Variants in KRABD3 observed in about 807,000 individuals in gnomAD.
KRABD3 encodes the protein KRAB domain-containing protein 3.
chr7:149,722,945 C>G, the KRABD3 span: 14 of 1,593,134 alleles, frequency 8.8e-6, no homozygotes, highest in Middle Eastern at 1.7e-4. Context: ...CCTGGGAGCC[C>G]GCCCTGGGCA....
the KRABD3 span, chr7:149,730,743 CTGCTGGGGG>C: frequency 2.4e-6 from 2 of 819,284 alleles, no homozygotes; most frequent in Non-Finnish European, 3.7e-6. Context: ...GAGGGCGGGG[CTGCTGGGGG>C]TGCTGGTGAG....
the KRABD3 span, chr7:149,730,147 G>T: frequency 6.6e-7 from 1 of 1,512,352 alleles, no homozygotes. Flanking sequence ...CCCTGCCCAG[G>T]GTCTGCCCCC....
At chr7:149,721,452 C>G in the KRABD3 span, 3 of 1,612,950 alleles carry the variant, frequency 1.9e-6, no homozygotes, top group Non-Finnish European at 2.5e-6. Flanking sequence ...ACCAGCCAGC[C>G]CCACCTGGCC....
At chr7:149,715,250 C>T in the KRABD3 span, 5 of 1,218,142 alleles carry the variant, frequency 4.1e-6, no homozygotes, top group African/African-American at 3.1e-5. Context: ...TCTCCGCCGC[C>T]GGTACCCACG....
the KRABD3 span, chr7:149,721,997 T>C: frequency 8.1e-6 from 3 of 369,322 alleles, no homozygotes; most frequent in Non-Finnish European, 1.5e-5. Flanking sequence ...TATAAAAAAG[T>C]ACTTCAAATT....
the KRABD3 span, chr7:149,734,200 G>T: frequency 2.9e-6 from 3 of 1,043,250 alleles, no homozygotes; most frequent in Non-Finnish European, 4.1e-6. Context: ...ACTGGGTAGA[G>T]CCCCCAGGTG....
the KRABD3 span, chr7:149,734,407 C>T: frequency 7.1e-5 from 16 of 224,236 alleles, no homozygotes; most frequent in East Asian, 4.2e-4. Context: ...GCCAGGAGAG[C>T]GCCTCCTAAC....
At chr7:149,730,260 C>A in the KRABD3 span, 1 of 1,556,112 alleles carries the variant, frequency 6.4e-7, no homozygotes, top group Non-Finnish European at 8.7e-7. Context: ...CAGCCCCAGC[C>A]CCGGCTCCAG....
chr7:149,717,487 T>G, the KRABD3 span, among the ~76,000 whole-genome samples: 6 of 152,378 alleles, frequency 3.9e-5, no homozygotes, highest in East Asian at 1.2e-3. Flanking sequence ...GAAATGTAAA[T>G]AACTCTTTGA....
At chr7:149,715,054 G>C in the KRABD3 span, 8 of 1,229,964 alleles carry the variant, frequency 6.5e-6, no homozygotes, top group Admixed American at 1.7e-4. Flanking sequence ...TGAGCCCGGG[G>C]ATGGCGCGCC....
the KRABD3 span, chr7:149,729,635 C>T: frequency 1.5e-5 from 15 of 985,474 alleles, no homozygotes; most frequent in Non-Finnish European, 1.8e-5. Flanking sequence ...CTTGAGGGGG[C>T]TCCCGCCGTC....
chr7:149,720,779 G>A, the KRABD3 span: 4 of 1,502,480 alleles, frequency 2.7e-6, no homozygotes, highest in South Asian at 2.4e-5. Flanking sequence ...ACGCACGTAG[G>A]TGTGAGTGCT....
chr7:149,715,001 C>T, the KRABD3 span: 1 of 1,218,902 alleles, frequency 8.2e-7, no homozygotes, highest in Non-Finnish European at 1.0e-6. Context: ...CGCGTGCGCC[C>T]GCGCCAGGGC....
At chr7:149,715,267 T>A in the KRABD3 span, 1 of 1,220,700 alleles carries the variant, frequency 8.2e-7, no homozygotes, top group Middle Eastern at 3.2e-4. Context: ...CACGGCCCAG[T>A]CTCCACCTGG....
chr7:149,724,672 C>T, the KRABD3 span: 180 of 1,543,824 alleles, frequency 1.2e-4, 1 homozygote, highest in Admixed American at 3.2e-4. Context: ...CCTCCTGACC[C>T]CTCCTCCCCA....
At chr7:149,722,625 G>T in the KRABD3 span, 1 of 1,528,324 alleles carries the variant, frequency 6.5e-7, no homozygotes, top group Non-Finnish European at 8.9e-7. Context: ...AGGTCATGCT[G>T]CTCCGCCGCC....
At chr7:149,717,307 A>G in the KRABD3 span, among the ~76,000 whole-genome samples, 2 of 152,166 alleles carry the variant, frequency 1.3e-5, no homozygotes, top group African/African-American at 4.8e-5. Flanking sequence ...AGCCACTCCC[A>G]TCATTTAGGG....
the KRABD3 span, chr7:149,721,420 C>T: frequency 3.1e-5 from 50 of 1,611,684 alleles, no homozygotes; most frequent in Middle Eastern, 1.8e-4. Flanking sequence ...GAGGCCTGCT[C>T]AGCTGCCTTC....
the KRABD3 span, chr7:149,731,595 T>G: frequency 6.8e-6 from 7 of 1,030,240 alleles, no homozygotes; most frequent in South Asian, 6.9e-5. Flanking sequence ...GAGTTTGATA[T>G]TGTTTTAGGG....
Sources: allele counts gnomAD v4.1 joint callset (sites outside exome capture counted in the v4.1 genomes callset), GRCh38; gene constraint gnomAD v4.1.1; transcripts MANE v1.5; gene names NCBI Gene and HGNC (gene_info 2026-07-23, HGNC 2026-07-21).